The following OPCML variants were observed in gnomAD, a reference collection of about 807,000 sequenced individuals.
OPCML encodes opioid-binding protein/cell adhesion molecule.
In OPCML, 13 loss-of-function variants were observed where a neutral mutation model predicts 37.8. The observed-to-expected ratio is 0.34, with a 90% CI of 0.22 to 0.55. The LOEUF is 0.55. Ranked by LOEUF, OPCML falls within the 20% of genes least tolerant of loss-of-function variation. The pLI is 0.91. For missense variants in OPCML, 341 were observed against 435.6 expected, an observed-to-expected ratio of 0.78 and a Z score of 1.93; for synonymous variants, 176 against 168.8, an observed-to-expected ratio of 1.04 and a Z score of -0.33.
chr11:133,283,990 C>A (rs1041334180), intron 1 of OPCML, among the ~76,000 whole-genome samples: 33 of 152,190 alleles, frequency 2.2e-4, no homozygotes, highest in African/African-American at 7.7e-4. Flanking sequence ...CACCTTCTCA[C>A]TTTGTCACTT....
At chr11:133,140,895 AGACGACGACGAC>A (rs1241482731) in intron 1 of OPCML, among the ~76,000 whole-genome samples, 1 of 23,412 alleles carries the variant, frequency 4.3e-5, no homozygotes, top group Non-Finnish European at 1.5e-4. Flanking sequence ...ACGACGACGA[AGACGACGACGAC>A]GAAGAAGAAG....
chr11:133,158,184 C>T (rs558624119), intron 1 of OPCML, among the ~76,000 whole-genome samples: 5 of 152,304 alleles, frequency 3.3e-5, no homozygotes, highest in Admixed American at 6.5e-5. Flanking sequence ...TTGCGTTCTA[C>T]GCACTCAGTT....
At chr11:133,185,530 G>A (rs570655404) in intron 1 of OPCML, among the ~76,000 whole-genome samples, 1 of 152,210 alleles carries the variant, frequency 6.6e-6, no homozygotes, top group Non-Finnish European at 1.5e-5. Flanking sequence ...GGTTCGGAGG[G>A]TGAAGAACTT....
Position 133,485,157 on chromosome 11 carries a change from AAAAATGAAAACTT to A in OPCML, c.61+47094_61+47106del, listed in dbSNP as rs376558773. Among the ~76,000 whole-genome samples, 1,045 of 152,318 alleles carry A rather than the reference AAAAATGAAAACTT, an allele frequency of 6.9e-3. 12 individuals carry two copies. The highest frequency in any genetic ancestry group is 0.024 in the African/African-American group (983 of 41,580). On this transcript the variant is annotated intron_variant, in intron 1 of 7. Transcript: ENST00000524381. Reference sequence around the variant, plus strand: ...TTTTAAAAATACAAACACTTCATTTAAAAATGAAAACTTGCTAAGGATTCAATAAAGTGACTGG... The same window carrying A: ...TTTTAAAAATACAAACACTTCATTTAGCTAAGGATTCAATAAAGTGACTGG...
At chr11:132,728,903 C>G (rs907499644) in intron 2 of OPCML, among the ~76,000 whole-genome samples, 1 of 152,094 alleles carries the variant, frequency 6.6e-6, no homozygotes, top group African/African-American at 2.4e-5. Flanking sequence ...GGTCTGTGCT[C>G]TTTCTACCAC....
chr11:132,765,576 A>G (rs1317078787), intron 2 of OPCML, among the ~76,000 whole-genome samples: 2 of 152,198 alleles, frequency 1.3e-5, no homozygotes, highest in African/African-American at 4.8e-5. Context: ...TTTTCTTCTT[A>G]GCTATCAGAA....
intron 2 of OPCML, among the ~76,000 whole-genome samples, chr11:132,905,604 G>A (rs1193212275): frequency 2.0e-5 from 3 of 151,990 alleles, no homozygotes; most frequent in African/African-American, 7.3e-5. Flanking sequence ...AAGATGGAAG[G>A]CTGAAAATAC....
chr11:132,493,288 G>A (rs1353436262), intron 4 of OPCML, among the ~76,000 whole-genome samples: 3 of 152,104 alleles, frequency 2.0e-5, no homozygotes, highest in Non-Finnish European at 4.4e-5. Context: ...GGAAGAGAAG[G>A]GCTCCAGAAA....
chr11:132,937,892 A>T (rs1052204064), intron 2 of OPCML, among the ~76,000 whole-genome samples: 5 of 151,024 alleles, frequency 3.3e-5, no homozygotes, highest in Admixed American at 3.3e-4. Context: ...TCACTCTGCC[A>T]CTCTGCTTGT....
intron 1 of OPCML, among the ~76,000 whole-genome samples, chr11:133,269,278 C>T (rs1941750070): frequency 6.6e-6 from 1 of 152,072 alleles, no homozygotes; most frequent in African/African-American, 2.4e-5. Context: ...CTGGAAATTC[C>T]CCGAGAGTGA....
intron 3 of OPCML, among the ~76,000 whole-genome samples, chr11:132,636,416 T>G (rs1940502778): frequency 6.6e-6 from 1 of 152,210 alleles, no homozygotes; most frequent in African/African-American, 2.4e-5. Context: ...TTGCACTTTA[T>G]TTAACTAATT....
chr11:132,755,382 C>T (rs535429872), intron 2 of OPCML, among the ~76,000 whole-genome samples: 15 of 152,206 alleles, frequency 9.9e-5, no homozygotes, highest in African/African-American at 3.4e-4. Context: ...TTACATCACC[C>T]AATACTCAGC....
chr11:132,838,713 C>T (rs779262189), intron 2 of OPCML, among the ~76,000 whole-genome samples: 8 of 152,026 alleles, frequency 5.3e-5, no homozygotes, highest in African/African-American at 9.7e-5. Flanking sequence ...TTAATGCATA[C>T]CCATTGCCAA....
chr11:132,420,238 G>C lies in OPCML; in HGVS notation c.972C>G (p.Leu324=), dbSNP rs764656179. The part of the protein sequence containing the change: ...VNSASRALAC[L]WLSGTLLAHF... ...GGGCTAAGAGGGTCCCTGATAGCCA[G>C]AGACAAGCCAGTGCTCTGGAGGCCG... The change falls in exon 8 of 8, where the codon CTC becomes CTG. Residue 324 remains leucine, a synonymous_variant. Coordinates refer to ENST00000524381, the MANE Select transcript of OPCML (RefSeq NM_001012393.5). 1.2e-6 allele frequency: 2 copies of C among 1,613,958 alleles called. No homozygotes were observed. The highest frequency in any genetic ancestry group is 1.7e-6 in the Non-Finnish European group (2 of 1,179,874).
chr11:133,424,737 C>G (rs1480448390), intron 1 of OPCML, among the ~76,000 whole-genome samples: 1 of 152,142 alleles, frequency 6.6e-6, no homozygotes, highest in Non-Finnish European at 1.5e-5. Flanking sequence ...AATAAAACTA[C>G]TAGTTAAAAG....
intron 2 of OPCML, among the ~76,000 whole-genome samples, chr11:132,794,694 C>T (rs1330053560): frequency 1.3e-5 from 2 of 152,166 alleles, no homozygotes; most frequent in African/African-American, 2.4e-5. Context: ...ACCTCCTACA[C>T]ATGAATATCA....
rs905819140 is a variant in OPCML at position 133,070,724 on chromosome 11, T to A, written c.62-127714A>T. Among the ~76,000 whole-genome samples, 3 of 152,214 alleles carry A rather than the reference T, an allele frequency of 2.0e-5. No individual in the cohort carries two copies. In the South Asian group the frequency reaches 6.2e-4, roughly 32 times the overall value. Reference sequence around the variant, plus strand: ...AAGCTAATATTATAATTAGTTCCCATTGCCTGGGTTCATACTGGCTGGGTG... The same window carrying A: ...AAGCTAATATTATAATTAGTTCCCAATGCCTGGGTTCATACTGGCTGGGTG... On this transcript the variant is annotated intron_variant, in intron 1 of 7. Coordinates refer to ENST00000524381, the MANE Select transcript of OPCML (RefSeq NM_001012393.5).
intron 1 of OPCML, among the ~76,000 whole-genome samples, chr11:133,168,152 G>T (rs988662754): frequency 2.6e-5 from 4 of 152,230 alleles, no homozygotes; most frequent in Non-Finnish European, 5.9e-5. Context: ...TGACCATTAA[G>T]TCTGCTAGGT....
chr11:133,246,547 G>A (rs994162974), intron 1 of OPCML, among the ~76,000 whole-genome samples: 6 of 152,130 alleles, frequency 3.9e-5, no homozygotes, highest in African/African-American at 1.2e-4. Context: ...GGAAGGGAAG[G>A]GTGAGAATGC....
Sources: allele counts gnomAD v4.1 joint callset (sites outside exome capture counted in the v4.1 genomes callset), GRCh38; gene constraint gnomAD v4.1.1; transcripts MANE v1.5; gene names NCBI Gene and HGNC (gene_info 2026-07-23, HGNC 2026-07-21).